Variants in H6PD observed in about 807,000 individuals in gnomAD.
H6PD encodes GDH/6PGL endoplasmic bifunctional protein.
H6PD carries 48 observed loss-of-function variants against 61.2 expected under a neutral mutation model. That is an observed-to-expected ratio of 0.78 (90% confidence interval 0.62 to 1.00). The LOEUF (loss-of-function observed/expected upper bound fraction) is 1.00. Among genes scored for constraint, H6PD ranks in the 50% least tolerant of loss-of-function variants. The probability of loss-of-function intolerance (pLI) is 0.00; values close to 1 mark genes in which losing one functional copy is unlikely to be tolerated. For missense variants in H6PD, 1,093 were observed against 1,065.0 expected (o/e 1.03, Z -0.37); for synonymous variants, 480 against 457.9 (o/e 1.05, Z -0.62).
At chr1:9,246,355 C>A (rs1056859139) in intron 2 of H6PD, among the ~76,000 whole-genome samples, 3 of 152,248 alleles carry the variant, frequency 2.0e-5, no homozygotes, top group Admixed American at 6.5e-5. Context: ...TGGGCAGGAG[C>A]ATGGGTTAAC....
chr1:9,256,482 G>A (rs1270091913), intron 3 of H6PD, among the ~76,000 whole-genome samples: 3 of 152,164 alleles, frequency 2.0e-5, no homozygotes, highest in Non-Finnish European at 4.4e-5. Context: ...GCTGGATTCA[G>A]GGCAGGTTGT....
chr1:9,261,990 C>T (rs1638319081), intron 3 of H6PD, 69 bp from the exon 4 acceptor site: 9 of 1,510,700 alleles, frequency 6.0e-6, no homozygotes. Context: ...GGTTTTGGTG[C>T]ACCTCGGGGA....
intron 1 of H6PD, among the ~76,000 whole-genome samples, chr1:9,240,351 C>T (rs1640961217): frequency 6.6e-6 from 1 of 152,184 alleles, no homozygotes; most frequent in Non-Finnish European, 1.5e-5. Flanking sequence ...GTTTCCCTGC[C>T]TGGCTGCAGA....
At chr1:9,256,553 A>G (rs1006185373) in intron 3 of H6PD, among the ~76,000 whole-genome samples, 7 of 152,110 alleles carry the variant, frequency 4.6e-5, no homozygotes, top group African/African-American at 1.2e-4. Context: ...CACACCACCA[A>G]CCTGGTCAGG....
intron 3 of H6PD, among the ~76,000 whole-genome samples, chr1:9,258,641 C>T (rs1314337109): frequency 6.8e-6 from 1 of 146,696 alleles, no homozygotes; most frequent in Non-Finnish European, 1.5e-5. Flanking sequence ...GGTGTTGTGC[C>T]AGTGTTATGC....
rs776704214 is a variant in H6PD at position 9,263,514 on chromosome 1, C to A, written c.1021C>A (p.Leu341Ile). Residue 341 changes from leucine to isoleucine, a missense_variant, in exon 5 of 5, where the codon CTA becomes ATA. Transcript: ENST00000377403. ...HSLTPTFAAV[L>I]VHIDNLRWEG... ...CTGCTGTTCCCTCACCCCAGCCGTC[C>A]TAGTGCACATTGACAACCTTCGCTG... 2 of 1,614,046 alleles carry A rather than the reference C, an allele frequency of 1.2e-6. No individual in the cohort carries two copies.
At chr1:9,263,294 C>T (rs1638398934) in intron 4 of H6PD, among the ~76,000 whole-genome samples, 1 of 152,140 alleles carries the variant, frequency 6.6e-6, no homozygotes, top group East Asian at 1.9e-4. Flanking sequence ...AGGCAGGTGT[C>T]AAAGCCATAG....
intron 1 of H6PD, among the ~76,000 whole-genome samples, chr1:9,242,129 C>T (rs1641016022): frequency 6.6e-6 from 1 of 152,132 alleles, no homozygotes; most frequent in African/African-American, 2.4e-5. Flanking sequence ...GAGGCGAGGA[C>T]CGCGTGTTTG....
rs745801230 is a variant in H6PD at position 9,268,238 on chromosome 1, CAAAA to C, written c.*3387_*3390del. 10,419 of 111,742 alleles carry C rather than the reference CAAAA, an allele frequency of 0.093. 571 individuals are homozygous for C. The highest frequency in any genetic ancestry group is 0.2 in the African/African-American group (5,799 of 29,388). The allele number at this position is 111,742 out of a possible 1,614,324, so 6.9% of individuals were successfully genotyped here. A position where few individuals can be genotyped will look rare whatever the true frequency, so the allele number is the denominator to read the frequency against. Reference sequence around the variant, plus strand: ...TGGAAAACAGAGTGAGACCCTATCTCAAAAAAAAAAAAAAAAAAAAAGGAAAGAG... The same window carrying C: ...TGGAAAACAGAGTGAGACCCTATCTCAAAAAAAAAAAAAAAAAGGAAAGAG... On this transcript the variant is annotated 3_prime_UTR_variant, in exon 5 of 5. Coordinates refer to ENST00000377403, the MANE Select transcript of H6PD (RefSeq NM_004285.4).
At chr1:9,263,200 C>A (rs1039119216) in intron 4 of H6PD, among the ~76,000 whole-genome samples, 1 of 152,172 alleles carries the variant, frequency 6.6e-6, no homozygotes, top group Non-Finnish European at 1.5e-5. Context: ...CACTGTGGGG[C>A]GTCCTTTAGA....
intron 3 of H6PD, among the ~76,000 whole-genome samples, chr1:9,258,863 T>G (rs991258753): frequency 6.6e-6 from 1 of 150,820 alleles, no homozygotes; most frequent in African/African-American, 2.5e-5. Flanking sequence ...GTGTTACTGT[T>G]GTTATGTTGT....
rs1199319564 is a variant in H6PD at position 9,269,821 on chromosome 1, G to A, written c.*4952G>A. 2 of 152,300 alleles carry A rather than the reference G, an allele frequency of 1.3e-5. No homozygotes were observed. The highest frequency in any genetic ancestry group is 4.8e-5 in the African/African-American group (2 of 41,452). 9.4% of individuals were successfully genotyped at this position (152,300 alleles called of 1,614,324 possible). On this transcript the variant is annotated 3_prime_UTR_variant, in exon 5 of 5. Coordinates refer to ENST00000377403, the MANE Select transcript of H6PD (RefSeq NM_004285.4). The surrounding 1 kb of genome is among the most constrained non-coding windows in gnomAD (Gnocchi z 4.3). ...GAACCCTGGGCAGCGGGTGTTCTGGGAAGGCTAGTGACAGCAGATGTCATC... is the reference window on the plus strand; with the variant it reads ...GAACCCTGGGCAGCGGGTGTTCTGGAAAGGCTAGTGACAGCAGATGTCATC...
At chr1:9,238,072 G>A (rs1640900207) in intron 1 of H6PD, among the ~76,000 whole-genome samples, 2 of 152,080 alleles carry the variant, frequency 1.3e-5, no homozygotes, top group Admixed American at 6.5e-5. Context: ...GGATGGGGGT[G>A]GGCGGTTTAC....
chr1:9,269,958 A>T lies in H6PD; in HGVS notation c.*5089A>T, dbSNP rs1638696603. ...TGCTGAGCAAGGTGCAACCGGGCTC[A>T]TGCTGTCATCAGCACAAGACGGGAT... On this transcript the variant is annotated 3_prime_UTR_variant, in exon 5 of 5. Coordinates refer to ENST00000377403, the MANE Select transcript of H6PD (RefSeq NM_004285.4). This position sits in a 1 kb window ranked among gnomAD's most constrained non-coding sequence, Gnocchi z 4.3. 1 of 152,754 alleles carries T rather than the reference A, an allele frequency of 6.5e-6. No homozygotes were observed. The highest frequency in any genetic ancestry group is 6.5e-5 in the Admixed American group (1 of 15,308). 9.5% of individuals were successfully genotyped at this position (152,754 alleles called of 1,614,324 possible).
At chr1:9,251,208 G>C (rs577120096) in intron 3 of H6PD, among the ~76,000 whole-genome samples, 1 of 152,180 alleles carries the variant, frequency 6.6e-6, no homozygotes, top group Non-Finnish European at 1.5e-5. Flanking sequence ...AGACAGGCGG[G>C]CCCATGTGAT....
In H6PD at chr1:9,258,063, G is replaced by A. The variant is rs778217123; in HGVS notation, c.746-3996G>A. Among the ~76,000 whole-genome samples, 5 of 152,374 alleles carry A rather than the reference G, an allele frequency of 3.3e-5. No homozygotes were observed. The East Asian group carries it at 7.7e-4, about 23-fold the overall frequency. Reference sequence around the variant, plus strand: ...TGGTCACCTGCCTCCTTCCTCACTCGCGGAGCAGGAGTGATCACGGTGCCT... The same window carrying A: ...TGGTCACCTGCCTCCTTCCTCACTCACGGAGCAGGAGTGATCACGGTGCCT... On this transcript the variant is annotated intron_variant, in intron 3 of 4. Coordinates refer to ENST00000377403, the MANE Select transcript of H6PD (RefSeq NM_004285.4).
chr1:9,264,806 G>T lies in H6PD; in HGVS notation c.2313G>T (p.Ser771=). The change falls in exon 5 of 5, where the codon TCG becomes TCT. Residue 771 remains serine, a synonymous_variant. Transcript: ENST00000377403. ...ATGAGCCCAAGAAGTGGCCCATCTC[G>T]GGTGTCCTGCCGCACTCCGGCCAGC... ...VGHEPKKWPI[S]GVLPHSGQLV... The T allele has an allele frequency of 6.2e-7, 1 of 1,612,918 alleles. No homozygotes were observed. Among genetic ancestry groups the T allele is most frequent in the East Asian group, 2.2e-5 (1 of 44,886 alleles).
intron 1 of H6PD, among the ~76,000 whole-genome samples, chr1:9,236,421 G>A (rs1396541978): frequency 6.6e-6 from 1 of 152,124 alleles, no homozygotes. Flanking sequence ...CAACACTTTC[G>A]GAGGCCAGGG....
In H6PD at chr1:9,252,803, C is replaced by T. The variant is rs748392250; in HGVS notation, c.745+5720C>T. Among the ~76,000 whole-genome samples the T allele has an allele frequency of 1.5e-3, 222 of 152,142 alleles. 2 individuals carry two copies. Among genetic ancestry groups the T allele is most frequent in the Admixed American group, 1.3e-3 (20 of 15,276 alleles). On this transcript the variant is annotated intron_variant, in intron 3 of 4. Coordinates refer to ENST00000377403, the MANE Select transcript of H6PD (RefSeq NM_004285.4). ...TTATGAGTCTGAGCAGCACAGCTGG[C>T]GGGCACAGCCATGGCCCCCCTGCTT...
Sources: allele counts gnomAD v4.1 joint callset (sites outside exome capture counted in the v4.1 genomes callset), GRCh38; gene constraint gnomAD v4.1.1; non-coding constraint Gnocchi (gnomAD v3.1); transcripts MANE v1.5; gene names NCBI Gene and HGNC (gene_info 2026-07-23, HGNC 2026-07-21).